Variants in PRPSAP1 observed in about 807,000 individuals in gnomAD.
PRPSAP1 encodes the protein phosphoribosyl pyrophosphate synthetase associated protein 1, also known as phosphoribosyl pyrophosphate synthase-associated protein 1.
A neutral mutation model predicts 39.4 loss-of-function variants in PRPSAP1; 31 were observed. The ratio of observed to expected loss-of-function variants is 0.79; its 90% CI spans 0.59 to 1.06. The LOEUF (loss-of-function observed/expected upper bound fraction) is 1.06. PRPSAP1 is among the 50% of genes least tolerant of loss of function. PRPSAP1 has a pLI of 0.00. For missense variants in PRPSAP1, 430 were observed against 511.6 expected (o/e 0.84, Z 1.54); for synonymous variants, 212 against 192.6 (o/e 1.10, Z -0.83).
chr17:76,336,437 C>CAAA (rs71161286), intron 3 of PRPSAP1, among the ~76,000 whole-genome samples: 5 of 132,624 alleles, frequency 3.8e-5, no homozygotes, highest in South Asian at 2.4e-4. Flanking sequence ...GAATCTTTCT[C>CAAA]AAAAAAAAAA....
intron 4 of PRPSAP1, among the ~76,000 whole-genome samples, chr17:76,331,089 GAAGAA>G (rs1475906261): frequency 2.0e-5 from 3 of 152,138 alleles, no homozygotes; most frequent in African/African-American, 7.2e-5. Context: ...ATACATATTA[GAAGAA>G]AAGAAACTCA....
chr17:76,342,142 T>C (rs2143532212), intron 3 of PRPSAP1, among the ~76,000 whole-genome samples: 1 of 152,208 alleles, frequency 6.6e-6, no homozygotes, highest in African/African-American at 2.4e-5. Context: ...CAGATACACC[T>C]GAAACACCGA....
chr17:76,337,883 G>A (rs555852355), intron 3 of PRPSAP1, among the ~76,000 whole-genome samples: 153 of 152,140 alleles, frequency 1.0e-3, no homozygotes, highest in Non-Finnish European at 9.8e-4. Flanking sequence ...GGGATTACAG[G>A]TGTGAGCCAC....
chr17:76,321,985 A>T (rs1440576466), intron 7 of PRPSAP1, among the ~76,000 whole-genome samples: 1 of 152,250 alleles, frequency 6.6e-6, no homozygotes, highest in Non-Finnish European at 1.5e-5. Context: ...ATGAAGTTTA[A>T]GGAAAGAAGC....
intron 8 of PRPSAP1, 167 bp from the exon 9 acceptor site, chr17:76,313,183 A>T (rs538020554): frequency 1.2e-6 from 1 of 821,640 alleles, no homozygotes; most frequent in Non-Finnish European, 1.8e-6. Context: ...ATGGCAACAG[A>T]AGCACCTGAC....
intron 4 of PRPSAP1, 29 bp from the exon 5 acceptor site, chr17:76,330,695 G>C: frequency 1.4e-6 from 2 of 1,473,552 alleles, no homozygotes; most frequent in Non-Finnish European, 1.9e-6. Flanking sequence ...AAATTACAAA[G>C]TTCACCCCTA....
At chr17:76,344,991 T>C (rs2071480433) in intron 2 of PRPSAP1, among the ~76,000 whole-genome samples, 3 of 151,816 alleles carry the variant, frequency 2.0e-5, no homozygotes, top group Admixed American at 1.3e-4. Context: ...ATCCCAGCAC[T>C]TTGGGAGGCC....
At chr17:76,331,803 C>A (rs2071324808) in intron 4 of PRPSAP1, among the ~76,000 whole-genome samples, 1 of 151,928 alleles carries the variant, frequency 6.6e-6, no homozygotes, top group Non-Finnish European at 1.5e-5. Flanking sequence ...GAAAGCGTGC[C>A]CCCGCCACAC....
chr17:76,348,628 T>TA (rs886953648), intron 1 of PRPSAP1, 47 bp from the exon 2 acceptor site: 8 of 1,456,882 alleles, frequency 5.5e-6, no homozygotes, highest in Non-Finnish European at 7.3e-6. Flanking sequence ...TTACTCTTTT[T>TA]AAAAAAATTC....
At chr17:76,335,117 C>G (rs1264745320) in intron 3 of PRPSAP1, among the ~76,000 whole-genome samples, 2 of 151,870 alleles carry the variant, frequency 1.3e-5, no homozygotes, top group African/African-American at 4.8e-5. Context: ...TTTTTCTTTT[C>G]TTTTCTGTTT....
chr17:76,342,390 C>T (rs8075628), intron 3 of PRPSAP1, among the ~76,000 whole-genome samples: 45,363 of 151,896 alleles, frequency 0.3, 9,909 homozygotes, highest in African/African-American at 0.63. Flanking sequence ...AAGTAATCGG[C>T]AAAATGTCAG....
At chr17:76,316,942 A>T (rs1189425503) in intron 7 of PRPSAP1, among the ~76,000 whole-genome samples, 1 of 152,018 alleles carries the variant, frequency 6.6e-6, no homozygotes, top group Non-Finnish European at 1.5e-5. Context: ...GAGCCAATTA[A>T]CCAAACCTTC....
At chr17:76,315,817 C>A (rs1297057337) in intron 7 of PRPSAP1, among the ~76,000 whole-genome samples, 3 of 147,680 alleles carry the variant, frequency 2.0e-5, no homozygotes, top group South Asian at 2.2e-4. Context: ...TGGGCTCAAG[C>A]GATTCTCCTG....
intron 2 of PRPSAP1, chr17:76,345,747 G>A: frequency 4.4e-6 from 1 of 227,124 alleles, no homozygotes; most frequent in Non-Finnish European, 8.9e-6. Flanking sequence ...TGAAGAAGAG[G>A]AAGCGAGAAT....
At chr17:76,324,487 C>G (rs1243368606) in intron 7 of PRPSAP1, among the ~76,000 whole-genome samples, 1 of 151,456 alleles carries the variant, frequency 6.6e-6, no homozygotes. Context: ...ATAATCCCAG[C>G]TACTTAGGGA....
intron 3 of PRPSAP1, 63 bp from the exon 4 acceptor site, chr17:76,332,498 G>A: frequency 6.3e-7 from 1 of 1,575,450 alleles, no homozygotes; most frequent in East Asian, 2.3e-5. Context: ...AAAAGATCTT[G>A]ACTTTATCAA....
At chr17:76,324,203 T>A (rs2071227924) in intron 7 of PRPSAP1, among the ~76,000 whole-genome samples, 1 of 151,894 alleles carries the variant, frequency 6.6e-6, no homozygotes, top group Non-Finnish European at 1.5e-5. Flanking sequence ...CAGATCATTT[T>A]GTAGTTCATA....
chr17:76,324,591 A>G (rs2071232001), intron 7 of PRPSAP1, among the ~76,000 whole-genome samples: 1 of 143,008 alleles, frequency 7.0e-6, no homozygotes, highest in South Asian at 2.3e-4. Context: ...ACAAGAGCGA[A>G]AACTCCATCT....
At chr17:76,345,062 C>T (rs934266826) in intron 2 of PRPSAP1, among the ~76,000 whole-genome samples, 2 of 151,606 alleles carry the variant, frequency 1.3e-5, no homozygotes, top group East Asian at 1.9e-4. Context: ...AGTGAAACCC[C>T]GTCTCTACTA....
Sources: allele counts gnomAD v4.1 joint callset (sites outside exome capture counted in the v4.1 genomes callset), GRCh38; gene constraint gnomAD v4.1.1; transcripts MANE v1.5; gene names NCBI Gene and HGNC (gene_info 2026-07-23, HGNC 2026-07-21).